The following TMEM94 variants were observed in gnomAD, a reference collection of about 807,000 sequenced individuals.
TMEM94 encodes transmembrane protein 94.
A neutral mutation model predicts 158.6 loss-of-function variants in TMEM94; 81 were observed. The observed-to-expected ratio is 0.51, with a 90% CI of 0.43 to 0.61. The LOEUF (loss-of-function observed/expected upper bound fraction) is 0.61, where lower values mean the gene tolerates loss of function less well. TMEM94 is among the 20% of genes least tolerant of loss of function. The pLI is 0.00. For synonymous variants in TMEM94, 751 were observed against 730.7 expected (o/e 1.03, Z -0.45); for missense variants, 1,435 against 1,762.0 (o/e 0.81, Z 3.32).
Position 75,492,442 on chromosome 17 carries a change from C to T in TMEM94, c.1597-32C>T, listed in dbSNP as rs760665494. ...GTGCTGGCTTCCCCACACCCTATCCCGGGCTGAGGCTCTCCTCCACATTTC... is the reference window on the plus strand; with the variant it reads ...GTGCTGGCTTCCCCACACCCTATCCTGGGCTGAGGCTCTCCTCCACATTTC... On this transcript the variant is annotated intron_variant, in intron 14 of 31. Transcript: ENST00000314256. The surrounding 1 kb of genome is among the most constrained non-coding windows in gnomAD (Gnocchi z 4.4). The T allele has an allele frequency of 1.0e-5, 16 of 1,552,414 alleles. No homozygotes were observed. The highest frequency in any genetic ancestry group is 5.4e-5 in the Admixed American group (3 of 55,346).
chr17:75,492,244 G>C lies in TMEM94; in HGVS notation c.1597-230G>C. 1 of 1,421,270 alleles carries C rather than the reference G, an allele frequency of 7.0e-7. No individual in the cohort carries two copies. The highest frequency in any genetic ancestry group is 9.1e-7 in the Non-Finnish European group (1 of 1,093,354). The allele number at this position is 1,421,270 out of a possible 1,614,324, so 88.0% of individuals were successfully genotyped here. ...CTGGCCACCCCTCTTTTTAGCTCCT[G>C]CCAGTGTCATGAGATATATTAATAG... On this transcript the variant is annotated intron_variant, in intron 14 of 31. Transcript: ENST00000314256. The surrounding 1 kb of genome is among the most constrained non-coding windows in gnomAD (Gnocchi z 4.4).
chr17:75,496,705 A>G, intron 24 of TMEM94, 25 bp from the exon 25 acceptor site: 1 of 1,611,532 alleles, frequency 6.2e-7, no homozygotes, highest in Non-Finnish European at 8.5e-7. Context: ...GACCCAGGCC[A>G]TAATCTGTCC....
intron 4 of TMEM94, 45 bp from the exon 5 acceptor site, chr17:75,486,245 G>A (rs376015480): frequency 1.9e-5 from 30 of 1,609,888 alleles, no homozygotes; most frequent in Middle Eastern, 3.4e-4. Context: ...CTGGGTGGGC[G>A]AGCCCTCACT....
chr17:75,494,843 C>G (rs1413715284), intron 19 of TMEM94, 35 bp downstream of exon 19: 1 of 1,612,810 alleles, frequency 6.2e-7, no homozygotes, highest in Admixed American at 1.7e-5. Context: ...ACCACTAACT[C>G]TGTTTCCACG....
chr17:75,486,198 G>A, intron 4 of TMEM94, 92 bp from the exon 5 acceptor site: 1 of 1,565,876 alleles, frequency 6.4e-7, no homozygotes, highest in Non-Finnish European at 8.7e-7. Flanking sequence ...TTCCACAAGG[G>A]ACTGGGGTGG....
Position 75,493,550 on chromosome 17 carries a change from T to C in TMEM94, c.2146T>C (p.Phe716Leu), listed in dbSNP as rs771090632. 7 of 1,614,046 alleles carry C rather than the reference T, an allele frequency of 4.3e-6. No individual in the cohort carries two copies. Among genetic ancestry groups the C allele is most frequent in the African/African-American group, 1.3e-5 (1 of 75,046 alleles). Residue 716 changes from phenylalanine (F) to leucine (L), a missense_variant, in exon 17 of 32, where the codon TTC (phenylalanine) becomes CTC (leucine). Physicochemically the swap from Phe to Leu is conservative, Grantham distance 22. This residue lies in a region of TMEM94 where 1,051 missense variants were observed against 1,254.4 expected (regional missense o/e 0.84). Transcript: ENST00000314256. ...TGTGGTCTTAGAGGCCTGCACAGAC[T>C]TCTGGGACGGAGCTGACATCTACCC... ...ADVVLEACTD[F>L]WDGADIYPLS...
Position 75,499,692 on chromosome 17 carries a change from C to T in TMEM94, c.*358C>T, listed in dbSNP as rs367754813. ...GATCCCTTGCCCCCCAGTGCCTCTG[C>T]TCGTGGGTCCCTGGACACGGCCTTG... On this transcript the variant is annotated 3_prime_UTR_variant, in exon 32 of 32. Transcript: ENST00000314256. 6.2e-5 allele frequency: 15 copies of T among 241,120 alleles called. 1 individual carries two copies. Among genetic ancestry groups the T allele is most frequent in the Admixed American group, 2.0e-4 (4 of 19,792 alleles). 14.9% of individuals were successfully genotyped at this position (241,120 alleles called of 1,614,324 possible).
At chr17:75,465,677 A>ATTTT (rs1465198234) in intron 1 of TMEM94, among the ~76,000 whole-genome samples, 4 of 84,226 alleles carry the variant, frequency 4.7e-5, no homozygotes, top group African/African-American at 1.5e-4. Flanking sequence ...ATATATATAT[A>ATTTT]TATTTTTTTT....
rs571161798 is a variant in TMEM94 at position 75,499,469 on chromosome 17, G to A, written c.*135G>A. ...CGTGGCACTGGAAACCCAGCTCCCC[G>A]TGTCAGACCCCGCTGTCTTCCTGAG... On this transcript the variant is annotated 3_prime_UTR_variant, in exon 32 of 32. Transcript: ENST00000314256. The A allele has an allele frequency of 8.5e-5, 67 of 792,876 alleles. No individual in the cohort carries two copies. In the South Asian group the frequency reaches 9.9e-4, roughly 12 times the overall value. The allele number at this position is 792,876 out of a possible 1,614,324, so 49.1% of individuals were successfully genotyped here.
rs746237544 is a variant in TMEM94 at position 75,488,659 on chromosome 17, C to T, written c.613-100C>T. On this transcript the variant is annotated intron_variant, in intron 6 of 31. Coordinates refer to ENST00000314256, the MANE Select transcript of TMEM94 (RefSeq NM_014738.6). ...CAGTGGACTCTGGGCTAACTGATGGCTCCTAACCCCAGCGAATGTCTGTAC... is the reference window on the plus strand; with the variant it reads ...CAGTGGACTCTGGGCTAACTGATGGTTCCTAACCCCAGCGAATGTCTGTAC... The T allele has an allele frequency of 5.6e-6, 8 of 1,426,202 alleles. 1 individual carries two copies. The Middle Eastern group carries it at 1.4e-3, about 256-fold the overall frequency. The allele number at this position is 1,426,202 out of a possible 1,614,324, so 88.3% of individuals were successfully genotyped here. A position where few individuals can be genotyped will look rare whatever the true frequency, so the allele number is the denominator to read the frequency against.
chr17:75,479,812 G>C (rs72854380), intron 2 of TMEM94, among the ~76,000 whole-genome samples: 13,138 of 152,242 alleles, frequency 0.086, 617 homozygotes, highest in Non-Finnish European at 0.1. Flanking sequence ...TAGCTAGTTG[G>C]AAGGCTGAGG....
Position 75,498,811 on chromosome 17 carries a change from A to G in TMEM94, c.3827+89A>G. On this transcript the variant is annotated intron_variant, in intron 30 of 31. Coordinates refer to ENST00000314256, the MANE Select transcript of TMEM94 (RefSeq NM_014738.6). The surrounding 1 kb of genome is among the most constrained non-coding windows in gnomAD (Gnocchi z 6.7). ...AGGATCGGAGGGCGGGACCGGGGCC[A>G]GTGGTTTAACTGTACCCTGCCTGAG... 2.0e-6 allele frequency: 3 copies of G among 1,524,650 alleles called. No homozygotes were observed. Among genetic ancestry groups the G allele is most frequent in the Non-Finnish European group, 2.6e-6 (3 of 1,135,258 alleles). The allele number at this position is 1,524,650 out of a possible 1,614,324, so 94.4% of individuals were successfully genotyped here.
rs143888419 is a variant in TMEM94, at chr17:75,495,324, G to A, written c.2769G>A (p.Glu923=). The part of the protein sequence containing the change: ...DDAEGLLLME[E]EGHSDLISFQ... ...CAGAAGGGCTCCTCCTCATGGAGGAGGAGGGCCACTCGGACCTCATCAGCT... is the reference window on the plus strand; with the variant it reads ...CAGAAGGGCTCCTCCTCATGGAGGAAGAGGGCCACTCGGACCTCATCAGCT... The change falls in exon 21 of 32, where the codon GAG becomes GAA. Residue 923 remains glutamate (E), a synonymous_variant. Transcript: ENST00000314256. The surrounding 1 kb of genome is among the most constrained non-coding windows in gnomAD (Gnocchi z 5.6). The A allele has an allele frequency of 2.1e-4, 332 of 1,613,696 alleles. 1 individual carries two copies. Among genetic ancestry groups the A allele is most frequent in the Admixed American group, 2.0e-3 (121 of 59,994 alleles).
In TMEM94 at chr17:75,499,350, G is replaced by C; in HGVS notation, c.*16G>C. ...TCCCTTCTGAGCCACTGGCTGTGGT[G>C]GCTGTAGTTGCCCCCGTCCCTGGGG... On this transcript the variant is annotated 3_prime_UTR_variant, in exon 32 of 32. Transcript: ENST00000314256. 2 of 1,611,136 alleles carry C rather than the reference G, an allele frequency of 1.2e-6. No homozygotes were observed. The highest frequency in any genetic ancestry group is 1.7e-6 in the Non-Finnish European group (2 of 1,177,850).
chr17:75,498,452 A>T lies in TMEM94; in HGVS notation c.3647A>T (p.Asp1216Val). Reference sequence around the variant, plus strand: ...ATGCCTCACTTTGGCAGCAACGACGACAGGGCTCCAGCCTGGTTTGAGGAC... The same window carrying T: ...ATGCCTCACTTTGGCAGCAACGACGTCAGGGCTCCAGCCTGGTTTGAGGAC... ...CSSVMLPSND[D>V]RAPAWFEDFA... The change falls in exon 29 of 32, where the codon GAC becomes GTC. Residue 1216 changes from aspartate (D) to valine (V), a missense_variant. Transcript: ENST00000314256. This position sits in a 1 kb window ranked among gnomAD's most constrained non-coding sequence, Gnocchi z 6.7. The T allele has an allele frequency of 1.3e-6, 2 of 1,587,342 alleles. No homozygotes were observed. Among genetic ancestry groups the T allele is most frequent in the Non-Finnish European group, 1.7e-6 (2 of 1,164,780 alleles).
rs140791256 is a variant in TMEM94 at position 75,498,921 on chromosome 17, T to A, written c.3837T>A (p.Gly1279=). The A allele has an allele frequency of 7.6e-4, 1,183 of 1,547,968 alleles. 5 individuals are homozygous for A. In the African/African-American group the frequency reaches 0.014, roughly 18 times the overall value. ...WAVTVPVVLL[G]QVVQTAVDLQ... is the part of the protein sequence containing the mutation. ...CCGCCACCTCCTGCAGGCTGCTGGG[T>A]CAGGTGGTCCAGACGGCTGTGGACC... The change falls in exon 31 of 32, where the codon GGT becomes GGA. Residue 1279 remains glycine, a synonymous_variant. Transcript: ENST00000314256. This position sits in a 1 kb window ranked among gnomAD's most constrained non-coding sequence, Gnocchi z 6.7.
chr17:75,478,134 G>A (rs2050837582), intron 2 of TMEM94, among the ~76,000 whole-genome samples: 1 of 123,812 alleles, frequency 8.1e-6, no homozygotes, highest in Non-Finnish European at 1.7e-5. Context: ...TCCTGCCTCA[G>A]CCTCCCAAGT....
chr17:75,477,091 G>A (rs571920060), intron 2 of TMEM94, among the ~76,000 whole-genome samples: 1 of 152,228 alleles, frequency 6.6e-6, no homozygotes, highest in South Asian at 2.1e-4. Flanking sequence ...GGCCAATGAA[G>A]GCACTTTGAA....
intron 1 of TMEM94, among the ~76,000 whole-genome samples, chr17:75,464,351 C>G (rs985584918): frequency 2.0e-5 from 3 of 152,032 alleles, no homozygotes; most frequent in African/African-American, 7.2e-5. Context: ...GGCATAGTGG[C>G]ACATACCTGT....
Sources: allele counts gnomAD v4.1 joint callset (sites outside exome capture counted in the v4.1 genomes callset), GRCh38; gene constraint gnomAD v4.1.1; regional missense constraint gnomAD v4.1.1; non-coding constraint Gnocchi (gnomAD v3.1); transcripts MANE v1.5; gene names NCBI Gene and HGNC (gene_info 2026-07-23, HGNC 2026-07-21).